The following ARSB variants were observed in gnomAD, a reference collection of about 807,000 sequenced individuals.
The protein encoded by ARSB is arylsulfatase B.
In ARSB, 41 loss-of-function variants were observed where a neutral mutation model predicts 50.9. The ratio of observed to expected loss-of-function variants is 0.81; its 90% confidence interval spans 0.63 to 1.04. The LOEUF (loss-of-function observed/expected upper bound fraction) is 1.04, where lower values mean the gene tolerates loss of function less well. ARSB is among the 50% of genes least tolerant of loss of function. The pLI is 0.00. For missense variants in ARSB, 672 were observed against 693.3 expected, an observed-to-expected ratio of 0.97 and a Z score of 0.35; for synonymous variants, 269 against 284.8, an observed-to-expected ratio of 0.94 and a Z score of 0.56.
At chr5:78,913,210 C>T (rs985692859) in intron 4 of ARSB, among the ~76,000 whole-genome samples, 10 of 151,946 alleles carry the variant, frequency 6.6e-5, no homozygotes, top group Admixed American at 3.3e-4. Context: ...CTGCAGGCTC[C>T]GCCTCCCAGG....
chr5:78,934,014 GGAAGCCTCCA>G (rs1362909719), intron 4 of ARSB, among the ~76,000 whole-genome samples: 1 of 152,142 alleles, frequency 6.6e-6, no homozygotes, highest in Non-Finnish European at 1.5e-5. Flanking sequence ...AAGAATAAGG[GGAAGCCTCCA>G]GAAGCTAGAA....
At chr5:78,815,426 A>T in intron 6 of ARSB, 2 of 631,278 alleles carry the variant, frequency 3.2e-6, no homozygotes, top group Non-Finnish European at 3.9e-6. Flanking sequence ...CACAAAGACA[A>T]ATTAGAACAA....
intron 1 of ARSB, 48 bp downstream of exon 1, chr5:78,984,889 G>A: frequency 3.2e-6 from 4 of 1,261,622 alleles, no homozygotes; most frequent in Non-Finnish European, 4.0e-6. Context: ...GCAGGGCGCC[G>A]GCGAAAGGCG....
At chr5:78,967,888 T>C (rs143339238) in intron 2 of ARSB, among the ~76,000 whole-genome samples, 1,636 of 152,198 alleles carry the variant, frequency 0.011, 22 homozygotes, top group African/African-American at 0.037. Flanking sequence ...GGGAGGTAGG[T>C]AGGTAGCTAA....
intron 4 of ARSB, among the ~76,000 whole-genome samples, chr5:78,908,488 C>T (rs1384448486): frequency 6.6e-6 from 1 of 152,178 alleles, no homozygotes; most frequent in African/African-American, 2.4e-5. Context: ...TTTCAGGCAG[C>T]CTGGCAGACA....
intron 6 of ARSB, among the ~76,000 whole-genome samples, chr5:78,793,995 G>A (rs1049568219): frequency 2.0e-5 from 3 of 152,162 alleles, no homozygotes; most frequent in East Asian, 1.9e-4. Flanking sequence ...ACAAAGCAAC[G>A]TAGTACATTC....
intron 4 of ARSB, among the ~76,000 whole-genome samples, chr5:78,952,030 T>C (rs1751512649): frequency 6.6e-6 from 1 of 152,198 alleles, no homozygotes; most frequent in Admixed American, 6.5e-5. Flanking sequence ...CACGGTCAAG[T>C]TGGATTTAAC....
At chr5:78,928,463 T>C (rs1750161566) in intron 4 of ARSB, among the ~76,000 whole-genome samples, 1 of 151,942 alleles carries the variant, frequency 6.6e-6, no homozygotes, top group Admixed American at 6.6e-5. Context: ...TACAGGGGCA[T>C]ACCACCACAT....
intron 6 of ARSB, among the ~76,000 whole-genome samples, chr5:78,792,690 G>A (rs1743012360): frequency 6.6e-6 from 1 of 152,122 alleles, no homozygotes; most frequent in Non-Finnish European, 1.5e-5. Flanking sequence ...ATAAGTGCAC[G>A]GATTCTGGGT....
At chr5:78,827,480 G>C (rs748778943) in intron 6 of ARSB, among the ~76,000 whole-genome samples, 1 of 152,078 alleles carries the variant, frequency 6.6e-6, no homozygotes, top group East Asian at 1.9e-4. Flanking sequence ...CAAAGTGCTG[G>C]GATTACAAGC....
At chr5:78,856,740 T>A (rs555580756) in intron 5 of ARSB, among the ~76,000 whole-genome samples, 1 of 152,224 alleles carries the variant, frequency 6.6e-6, no homozygotes, top group Non-Finnish European at 1.5e-5. Context: ...CACACATATA[T>A]GCATGTATTC....
intron 4 of ARSB, among the ~76,000 whole-genome samples, chr5:78,928,802 T>A (rs1750182339): frequency 6.6e-6 from 1 of 152,254 alleles, no homozygotes; most frequent in African/African-American, 2.4e-5. Flanking sequence ...TTTAAATTAT[T>A]AACCAGATAA....
At chr5:78,789,729 TAGC>T (rs1397362238) in intron 6 of ARSB, among the ~76,000 whole-genome samples, 5 of 152,172 alleles carry the variant, frequency 3.3e-5, no homozygotes, top group African/African-American at 1.2e-4. Context: ...AAAATAGTAA[TAGC>T]AGCTAATATT....
At chr5:78,890,622 C>T (rs1187701977) in intron 4 of ARSB, among the ~76,000 whole-genome samples, 4 of 152,126 alleles carry the variant, frequency 2.6e-5, no homozygotes, top group African/African-American at 9.7e-5. Flanking sequence ...CAAAATCAAT[C>T]AGGCCACATG....
chr5:78,812,220 C>T lies in ARSB; in HGVS notation c.1213+27136G>A, dbSNP rs780845850. ...ATTTACAGAGCAGTGGGCAGGTGCT[C>T]GGCTGTCTGCTAGGTCCTGGGAAAG... On this transcript the variant is annotated intron_variant, in intron 6 of 7. Coordinates refer to ENST00000264914, the MANE Select transcript of ARSB (RefSeq NM_000046.5). 1.2e-4 allele frequency among the ~76,000 whole-genome samples: 19 copies of T among 152,224 alleles called. No individual in the cohort carries two copies. The East Asian group carries it at 1.5e-3, about 12-fold the overall frequency.
At chr5:78,928,177 C>G (rs1323682724) in intron 4 of ARSB, among the ~76,000 whole-genome samples, 3 of 152,142 alleles carry the variant, frequency 2.0e-5, no homozygotes, top group Admixed American at 6.5e-5. Context: ...GTCTAACAGC[C>G]AAGCAAACCC....
At chr5:78,810,731 G>C (rs538435461) in intron 6 of ARSB, among the ~76,000 whole-genome samples, 1 of 152,350 alleles carries the variant, frequency 6.6e-6, no homozygotes, top group South Asian at 2.1e-4. Context: ...GACTATGTGA[G>C]TTAAACATCT....
At chr5:78,860,548 T>C (rs1223650205) in intron 5 of ARSB, among the ~76,000 whole-genome samples, 1 of 152,182 alleles carries the variant, frequency 6.6e-6, no homozygotes, top group Non-Finnish European at 1.5e-5. Flanking sequence ...AATAAAGATG[T>C]TCTTTGAAAC....
intron 6 of ARSB, among the ~76,000 whole-genome samples, chr5:78,821,052 G>C (rs1400078085): frequency 1.3e-5 from 2 of 152,180 alleles, no homozygotes; most frequent in Non-Finnish European, 2.9e-5. Context: ...ATCTAAAGTG[G>C]TCTATAAAGT....
Sources: allele counts gnomAD v4.1 joint callset (sites outside exome capture counted in the v4.1 genomes callset), GRCh38; gene constraint gnomAD v4.1.1; transcripts MANE v1.5; gene names NCBI Gene and HGNC (gene_info 2026-07-23, HGNC 2026-07-21).